Variants in ELAVL4 observed in about 807,000 individuals in gnomAD.
ELAVL4 encodes the protein ELAV like RNA binding protein 4, also known as ELAV-like protein 4.
ELAVL4 carries 1 observed loss-of-function variant against 35.6 expected under a neutral mutation model. The ratio of observed to expected loss-of-function variants is 0.03; its 90% CI spans 0.01 to 0.13. ELAVL4 has a LOEUF of 0.13. Ranked by LOEUF, ELAVL4 falls within the 10% of genes least tolerant of loss-of-function variation. The pLI is 1.00. For missense variants in ELAVL4, 267 were observed against 464.9 expected, an observed-to-expected ratio of 0.57 and a Z score of 3.91; for synonymous variants, 156 against 171.0, an observed-to-expected ratio of 0.91 and a Z score of 0.69.
chr1:50,154,514 C>T (rs1455301373), intron 2 of ELAVL4, among the ~76,000 whole-genome samples: 2 of 152,152 alleles, frequency 1.3e-5, no homozygotes, highest in Non-Finnish European at 2.9e-5. Context: ...AACTCTAATT[C>T]CTATGGCCGC....
At chr1:50,191,784 TA>T (rs924933387) in intron 3 of ELAVL4, among the ~76,000 whole-genome samples, 35 of 151,932 alleles carry the variant, frequency 2.3e-4, no homozygotes, top group African/African-American at 7.7e-4. Context: ...GAAGTAGGTA[TA>T]AAAAAAATGT....
At chr1:50,171,954 T>C (rs1679083058) in intron 2 of ELAVL4, among the ~76,000 whole-genome samples, 2 of 152,240 alleles carry the variant, frequency 1.3e-5, no homozygotes, top group Non-Finnish European at 2.9e-5. Context: ...CAGCCTGAAC[T>C]AGGGGTTCTA....
intron 2 of ELAVL4, among the ~76,000 whole-genome samples, chr1:50,158,132 A>G (rs991387138): frequency 6.6e-6 from 1 of 152,162 alleles, no homozygotes; most frequent in African/African-American, 2.4e-5. Flanking sequence ...ATTATTGTGA[A>G]CATTAATTTA....
chr1:50,197,456 T>C lies in ELAVL4; in HGVS notation c.762T>C (p.Tyr254=), dbSNP rs1427992189. The change falls in exon 6 of 7, where the codon TAT becomes TAC. Residue 254 remains tyrosine, a synonymous_variant. Coordinates refer to ENST00000371824, the MANE Select transcript of ELAVL4 (RefSeq NM_001144774.3). ...TGGACAATTTGCTTAATATGGCCTA[T>C]GGCGTAAAGAGGTAATTAAAACTCC... ...FRLDNLLNMA[Y]GVKRFSPITI... The C allele has an allele frequency of 1.3e-6, 2 of 1,588,284 alleles. No homozygotes were observed. The highest frequency in any genetic ancestry group is 1.2e-5 in the South Asian group (1 of 86,820).
intron 2 of ELAVL4, among the ~76,000 whole-genome samples, chr1:50,162,356 G>A (rs990944170): frequency 3.3e-5 from 5 of 152,062 alleles, no homozygotes; most frequent in South Asian, 2.1e-4. Flanking sequence ...TAAGACTCAC[G>A]CGCCCGCCCT....
chr1:50,175,488 C>T (rs1048069125), intron 2 of ELAVL4: 3 of 152,114 alleles, frequency 2.0e-5, no homozygotes, highest in African/African-American at 7.2e-5. Flanking sequence ...CTGGAGTGCA[C>T]CCAGCATTCT....
At chr1:50,181,897 G>T (rs1174400121) in intron 3 of ELAVL4, among the ~76,000 whole-genome samples, 1 of 152,128 alleles carries the variant, frequency 6.6e-6, no homozygotes, top group African/African-American at 2.4e-5. Flanking sequence ...TGGTCAGTCT[G>T]GTTGCGAACT....
chr1:50,053,868 A>C (rs1663525428), intron 1 of ELAVL4, among the ~76,000 whole-genome samples: 3 of 152,224 alleles, frequency 2.0e-5, no homozygotes, highest in African/African-American at 7.2e-5. Context: ...TAAGGATTCC[A>C]GTGGAGGATT....
chr1:50,072,136 C>G (rs1030884673), intron 1 of ELAVL4, among the ~76,000 whole-genome samples: 1 of 152,196 alleles, frequency 6.6e-6, no homozygotes, highest in East Asian at 1.9e-4. Context: ...TGGGAGGGCC[C>G]ATGAGTGCAG....
At chr1:50,099,513 T>C (rs1470532377), upstream of ELAVL4, among the ~76,000 whole-genome samples, 1 of 129,868 alleles carries the variant, frequency 7.7e-6, no homozygotes, top group African/African-American at 3.1e-5. Flanking sequence ...TGAGCCAAGA[T>C]CACACCACTG....
At chr1:50,189,495 GTGT>G (rs1682342286) in intron 3 of ELAVL4, among the ~76,000 whole-genome samples, 1 of 152,260 alleles carries the variant, frequency 6.6e-6, no homozygotes, top group Non-Finnish European at 1.5e-5. Flanking sequence ...CTGTGGAAAT[GTGT>G]TAGAGGACAT....
chr1:50,088,045 A>G (rs1665327467), intron 1 of ELAVL4, among the ~76,000 whole-genome samples: 1 of 152,222 alleles, frequency 6.6e-6, no homozygotes, highest in South Asian at 2.1e-4. Flanking sequence ...TAGAAAAATC[A>G]TTCTGATAGT....
intron 2 of ELAVL4, among the ~76,000 whole-genome samples, chr1:50,163,354 A>T (rs915901660): frequency 3.6e-4 from 55 of 152,080 alleles, no homozygotes; most frequent in African/African-American, 1.3e-3. Flanking sequence ...CTCAGTTTCC[A>T]CATCTGTAGA....
chr1:50,072,565 A>G (rs969857488), intron 1 of ELAVL4, among the ~76,000 whole-genome samples: 2 of 152,148 alleles, frequency 1.3e-5, no homozygotes, highest in African/African-American at 2.4e-5. Context: ...CTATGGACAA[A>G]TAACTCTCTC....
At chr1:50,059,469 G>A (rs182653637) in intron 1 of ELAVL4, among the ~76,000 whole-genome samples, 6 of 151,620 alleles carry the variant, frequency 4.0e-5, no homozygotes, top group African/African-American at 1.5e-4. Flanking sequence ...GATGTTCAGC[G>A]TCATTAAAAC....
intron 1 of ELAVL4, among the ~76,000 whole-genome samples, chr1:50,060,740 G>A (rs1474383855): frequency 2.0e-5 from 3 of 152,166 alleles, no homozygotes; most frequent in Non-Finnish European, 4.4e-5. Context: ...TAGGCACAGT[G>A]AGCCTATGTC....
At chr1:50,183,442 G>A (rs1285044640) in intron 3 of ELAVL4, among the ~76,000 whole-genome samples, 2 of 152,102 alleles carry the variant, frequency 1.3e-5, no homozygotes, top group Non-Finnish European at 2.9e-5. Flanking sequence ...GCCCAATTCT[G>A]GAGGGAGCAG....
chr1:50,102,115 G>GCCT (rs1211882910), upstream of ELAVL4, among the ~76,000 whole-genome samples: 1 of 151,896 alleles, frequency 6.6e-6, no homozygotes, highest in Non-Finnish European at 1.5e-5. Flanking sequence ...GTGAAACCCT[G>GCCT]CCTCTACTAA....
At chr1:50,062,159 A>G (rs985467275) in intron 1 of ELAVL4, among the ~76,000 whole-genome samples, 4 of 152,174 alleles carry the variant, frequency 2.6e-5, no homozygotes, top group African/African-American at 9.7e-5. Context: ...GCTGGATGCT[A>G]GAAGTATATA....
Sources: allele counts gnomAD v4.1 joint callset (sites outside exome capture counted in the v4.1 genomes callset), GRCh38; gene constraint gnomAD v4.1.1; transcripts MANE v1.5; gene names NCBI Gene and HGNC (gene_info 2026-07-23, HGNC 2026-07-21).